EPHA8: variants seen among roughly 807,000 people sequenced by gnomAD.
EPHA8 encodes EPH receptor A8, also known as ephrin type-A receptor 8.
Under a neutral mutation model 103.6 loss-of-function variants are expected in EPHA8, and 58 were observed. That is an observed-to-expected ratio of 0.56 (90% CI 0.45 to 0.70). The LOEUF (loss-of-function observed/expected upper bound fraction) is 0.70. Among genes scored for constraint, EPHA8 ranks in the 30% least tolerant of loss-of-function variants. The pLI is 0.00. For synonymous variants in EPHA8, 559 were observed against 572.5 expected (o/e 0.98, Z 0.34); for missense variants, 1,304 against 1,395.2 (o/e 0.93, Z 1.04).
intron 1 of EPHA8, among the ~76,000 whole-genome samples, chr1:22,566,676 C>T (rs11580826): frequency 9.2e-5 from 14 of 152,112 alleles, no homozygotes; most frequent in African/African-American, 3.1e-4. Flanking sequence ...CTTCACAGTC[C>T]GGCAGCGCAA....
intron 3 of EPHA8, among the ~76,000 whole-genome samples, chr1:22,578,354 G>C (rs1381416887): frequency 1.3e-5 from 2 of 149,700 alleles, no homozygotes; most frequent in Non-Finnish European, 3.0e-5. Flanking sequence ...GTGTGTATGT[G>C]TGCGTGCATG....
At chr1:22,599,748 AAGG>A (rs1210596054) in intron 13 of EPHA8, among the ~76,000 whole-genome samples, 2 of 46,922 alleles carry the variant, frequency 4.3e-5, no homozygotes, top group East Asian at 6.7e-4. Context: ...GGGAGGGAGG[AAGG>A]AGGGAAAGAA....
chr1:22,578,403 T>G lies in EPHA8; in HGVS notation c.823+1523T>G, dbSNP rs370864225. On this transcript the variant is annotated intron_variant, in intron 3 of 16. Transcript: ENST00000166244. ...GTATATGTATGCATGTCTGCATGAG[T>G]GTATGCATGTCTGCATGTGTACGTA... Among the ~76,000 whole-genome samples, 29 of 142,402 alleles carry G rather than the reference T, an allele frequency of 2.0e-4. No homozygotes were observed. In the East Asian group the frequency reaches 5.6e-3, roughly 27 times the overall value. The allele number at this position is 142,402 out of a possible 152,430, so 93.4% of individuals were successfully genotyped here. A position where few individuals can be genotyped will look rare whatever the true frequency, so the allele number is the denominator to read the frequency against.
chr1:22,597,783 G>A lies in EPHA8; in HGVS notation c.2038G>A (p.Asp680Asn). The stretch of plus-strand genomic sequence containing the variant: ...CGGCTACACGGAGAGACAGAGGCGG[G>A]ACTTCCTGAGCGAGGCGTCCATCAT... ...KAGYTERQRR[D>N]FLSEASIMGQ... The change falls in exon 11 of 17, where the codon GAC becomes AAC. Residue 680 changes from aspartate (D) to asparagine (N), a missense_variant. Asp to Asn is a conservative substitution (Grantham distance 23). Transcript: ENST00000166244. The surrounding 1 kb of genome is among the most constrained non-coding windows in gnomAD (Gnocchi z 4.6). The A allele has an allele frequency of 6.2e-7, 1 of 1,613,180 alleles. No homozygotes were observed. The highest frequency in any genetic ancestry group is 2.2e-5 in the East Asian group (1 of 44,878).
At chr1:22,577,151 CAGCTAA>C (rs1389528420) in intron 3 of EPHA8, among the ~76,000 whole-genome samples, 1 of 152,172 alleles carries the variant, frequency 6.6e-6, no homozygotes, top group African/African-American at 2.4e-5. Context: ...GTGGGAGGTA[CAGCTAA>C]AGGCACCTGT....
In EPHA8 at chr1:22,600,975, C is replaced by T. The variant is rs371208175; in HGVS notation, c.2616C>T (p.Leu872=). Residue 872 remains leucine, a synonymous_variant, in exon 15 of 17, where the codon CTC becomes CTT. Coordinates refer to ENST00000166244, the MANE Select transcript of EPHA8 (RefSeq NM_020526.5). The part of the protein sequence containing the change: ...GCPHALHQLM[L]DCWHKDRAQR... ...CCCACGCCCTGCACCAGCTCATGCT[C>T]GACTGTTGGCACAAGGACCGGGCGC... 8.7e-5 allele frequency: 140 copies of T among 1,612,936 alleles called. No homozygotes were observed. Among genetic ancestry groups the T allele is most frequent in the Non-Finnish European group, 1.1e-4 (128 of 1,179,862 alleles).
intron 5 of EPHA8, among the ~76,000 whole-genome samples, chr1:22,592,362 T>C (rs776131517): frequency 2.6e-5 from 4 of 152,120 alleles, no homozygotes; most frequent in Non-Finnish European, 5.9e-5. Context: ...AGCTTCACTT[T>C]ATAGAAGGGG....
chr1:22,576,483 C>T lies in EPHA8; in HGVS notation c.426C>T (p.Phe142=). Residue 142 remains phenylalanine, a synonymous_variant, in exon 3 of 17, where the codon TTC becomes TTT. Coordinates refer to ENST00000166244, the MANE Select transcript of EPHA8 (RefSeq NM_020526.5). This position sits in a 1 kb window ranked among gnomAD's most constrained non-coding sequence, Gnocchi z 4.8. ...GGGCCAGCACACAAGAAAGCCAGTTCCTCAAAATCGACACCATTGCGGCCG... is the reference window on the plus strand; with the variant it reads ...GGGCCAGCACACAAGAAAGCCAGTTTCTCAAAATCGACACCATTGCGGCCG... ...DLGASTQESQ[F]LKIDTIAADE... 6.2e-7 allele frequency: 1 copy of T among 1,614,156 alleles called. No homozygotes were observed. Among genetic ancestry groups the T allele is most frequent in the Non-Finnish European group, 8.5e-7 (1 of 1,180,052 alleles).
chr1:22,589,349 C>T lies in EPHA8; in HGVS notation c.1315+143C>T. Reference sequence around the variant, plus strand: ...TCTGGCCCTGCGCTCCTCACCAGGACCCAGAGCTGGAGGCTCTTCATTGCC... The same window carrying T: ...TCTGGCCCTGCGCTCCTCACCAGGATCCAGAGCTGGAGGCTCTTCATTGCC... On this transcript the variant is annotated intron_variant, in intron 5 of 16. Coordinates refer to ENST00000166244, the MANE Select transcript of EPHA8 (RefSeq NM_020526.5). The surrounding 1 kb of genome is among the most constrained non-coding windows in gnomAD (Gnocchi z 4.3). 4 of 1,588,606 alleles carry T rather than the reference C, an allele frequency of 2.5e-6. No homozygotes were observed. Among genetic ancestry groups the T allele is most frequent in the Non-Finnish European group, 3.4e-6 (4 of 1,168,482 alleles).
intron 1 of EPHA8, among the ~76,000 whole-genome samples, chr1:22,564,743 T>A (rs1640308040): frequency 6.6e-6 from 1 of 151,986 alleles, no homozygotes; most frequent in Non-Finnish European, 1.5e-5. Context: ...CCCCAACCCC[T>A]GCCCTGACCC....
In EPHA8 at chr1:22,597,489, G is replaced by A; in HGVS notation, c.1930+13G>A. 6.2e-7 allele frequency: 1 copy of A among 1,610,298 alleles called. No individual in the cohort carries two copies. Among genetic ancestry groups the A allele is most frequent in the Non-Finnish European group, 8.5e-7 (1 of 1,178,154 alleles). ...ATCATCGGCTCTGGTGAGTCTCAGG[G>A]GTTGTGAGGGCGGGGCCAGCATGGG... On this transcript the variant is annotated intron_variant, in intron 10 of 16. Coordinates refer to ENST00000166244, the MANE Select transcript of EPHA8 (RefSeq NM_020526.5). This position sits in a 1 kb window ranked among gnomAD's most constrained non-coding sequence, Gnocchi z 4.6.
At chr1:22,590,419 C>A (rs140375453) in intron 5 of EPHA8, among the ~76,000 whole-genome samples, 1 of 152,152 alleles carries the variant, frequency 6.6e-6, no homozygotes, top group Non-Finnish European at 1.5e-5. Flanking sequence ...CCGTGCCTGG[C>A]GTATCTACTT....
rs1641588199 is a variant in EPHA8 at position 22,598,598 on chromosome 1, C to G, written c.2179-240C>G. The stretch of plus-strand genomic sequence containing the variant: ...TTAACCTCTCTGGGCCTCCATCTCT[C>G]GTTCCACAAAATGGGTAAGCAGTCA... On this transcript the variant is annotated intron_variant, in intron 12 of 16. Transcript: ENST00000166244. This position sits in a 1 kb window ranked among gnomAD's most constrained non-coding sequence, Gnocchi z 5.1. 1.3e-5 allele frequency among the ~76,000 whole-genome samples: 2 copies of G among 152,154 alleles called. No individual in the cohort carries two copies. Among genetic ancestry groups the G allele is most frequent in the African/African-American group, 2.4e-5 (1 of 41,424 alleles).
chr1:22,585,354 T>A (rs1641173886), intron 3 of EPHA8, among the ~76,000 whole-genome samples: 1 of 152,174 alleles, frequency 6.6e-6, no homozygotes, highest in Non-Finnish European at 1.5e-5. Context: ...AAACAGGCAG[T>A]GACTGAGTGA....
chr1:22,591,098 T>C (rs1641361197), intron 5 of EPHA8, among the ~76,000 whole-genome samples: 2 of 151,740 alleles, frequency 1.3e-5, no homozygotes, highest in Admixed American at 6.6e-5. Flanking sequence ...GCTTTAAAAA[T>C]AGAAGTGAGG....
At chr1:22,599,733 A>G (rs1365902001) in intron 13 of EPHA8, among the ~76,000 whole-genome samples, 3 of 1,098 alleles carry the variant, frequency 2.7e-3, no homozygotes, top group African/African-American at 9.1e-3. Context: ...GGAGGGAAGG[A>G]AGGAGGGAGG....
At chr1:22,566,342 C>T (rs1046298593) in intron 1 of EPHA8, among the ~76,000 whole-genome samples, 2 of 152,190 alleles carry the variant, frequency 1.3e-5, no homozygotes, top group South Asian at 4.1e-4. Flanking sequence ...GAATGTAAAT[C>T]AATTTAAGTA....
intron 3 of EPHA8, among the ~76,000 whole-genome samples, chr1:22,577,779 T>C (rs983023735): frequency 1.3e-5 from 2 of 149,550 alleles, no homozygotes; most frequent in Non-Finnish European, 3.0e-5. Context: ...AGTGTGTGTG[T>C]GCATGTGTGC....
intron 1 of EPHA8, among the ~76,000 whole-genome samples, chr1:22,564,021 G>T (rs904794256): frequency 1.5e-4 from 23 of 151,946 alleles, no homozygotes; most frequent in African/African-American, 5.6e-4. Flanking sequence ...AATACTGAGG[G>T]TCGGACGCCG....
Sources: gnomAD v4.1 joint callset for allele counts (sites outside exome capture counted in the v4.1 genomes callset) on GRCh38, gnomAD v4.1.1 for gene constraint, Gnocchi (gnomAD v3.1) non-coding constraint, MANE v1.5 for transcripts, NCBI Gene and HGNC (gene_info 2026-07-23, HGNC 2026-07-21) for gene names.